The following PCNX1 variants were observed in gnomAD, a reference collection of about 807,000 sequenced individuals.
PCNX1 encodes pecanex-like protein 1.
A neutral mutation model predicts 242.2 loss-of-function variants in PCNX1; 78 were observed. The ratio of observed to expected loss-of-function variants is 0.32; its 90% CI spans 0.27 to 0.39. The LOEUF is 0.39. PCNX1 is among the 10% of genes least tolerant of loss of function. PCNX1 has a pLI of 1.00. For missense variants in PCNX1, 2,581 were observed against 2,856.5 expected (o/e 0.90, Z 2.20); for synonymous variants, 1,024 against 1,032.9 (o/e 0.99, Z 0.17).
chr14:70,923,816 C>G (rs1422243092), intron 1 of PCNX1, among the ~76,000 whole-genome samples: 1 of 152,114 alleles, frequency 6.6e-6, no homozygotes, highest in African/African-American at 2.4e-5. Context: ...TTTGCTAACA[C>G]AAAACATGCT....
At chr14:71,005,443 G>T (rs1275679539) in intron 8 of PCNX1, among the ~76,000 whole-genome samples, 1 of 150,962 alleles carries the variant, frequency 6.6e-6, no homozygotes. Context: ...AGGAGTTTGA[G>T]ATTGCAGTGA....
At chr14:70,969,226 G>T (rs1595087517) in intron 5 of PCNX1, 116 bp downstream of exon 5, 2 of 687,438 alleles carry the variant, frequency 2.9e-6, no homozygotes, top group East Asian at 2.6e-5. Flanking sequence ...GATATTTAAG[G>T]AAACATTAAC....
chr14:70,988,309 T>A (rs2140245529), intron 6 of PCNX1, among the ~76,000 whole-genome samples: 1 of 152,128 alleles, frequency 6.6e-6, no homozygotes, highest in East Asian at 1.9e-4. Context: ...AATAGGAAAT[T>A]GAGGTTGAAG....
At chr14:71,082,541 T>C (rs2061881337) in intron 28 of PCNX1, among the ~76,000 whole-genome samples, 1 of 152,094 alleles carries the variant, frequency 6.6e-6, no homozygotes, top group Non-Finnish European at 1.5e-5. Context: ...GGTGCTCCTG[T>C]ATTGGGTGTA....
chr14:71,032,426 A>G (rs2060413491), intron 16 of PCNX1, among the ~76,000 whole-genome samples: 1 of 152,168 alleles, frequency 6.6e-6, no homozygotes, highest in Non-Finnish European at 1.5e-5. Context: ...TCTCATCTAT[A>G]AATTGGGGGG....
chr14:70,945,212 A>C (rs1353683388), intron 1 of PCNX1, among the ~76,000 whole-genome samples: 2 of 152,190 alleles, frequency 1.3e-5, no homozygotes, highest in Non-Finnish European at 2.9e-5. Context: ...CAGTTTGGAG[A>C]TTCCAAGGAT....
chr14:71,063,139 T>C (rs1423293933), intron 26 of PCNX1, among the ~76,000 whole-genome samples: 1 of 152,190 alleles, frequency 6.6e-6, no homozygotes, highest in Non-Finnish European at 1.5e-5. Flanking sequence ...TGACTGTTTA[T>C]TGTTTAAAGT....
At chr14:71,041,780 CTACTA>C (rs71105759) in intron 19 of PCNX1, among the ~76,000 whole-genome samples, 9,791 of 149,214 alleles carry the variant, frequency 0.066, 308 homozygotes, top group Middle Eastern at 0.11. Flanking sequence ...GCATTTATTG[CTACTA>C]TACTATACTA....
At chr14:71,027,872 A>G (rs1427731997) in intron 15 of PCNX1, among the ~76,000 whole-genome samples, 1 of 151,914 alleles carries the variant, frequency 6.6e-6, no homozygotes, top group Non-Finnish European at 1.5e-5. Flanking sequence ...TACTGGTGTT[A>G]TATTACTGTA....
chr14:70,964,439 T>C (rs983807770), intron 3 of PCNX1, among the ~76,000 whole-genome samples: 3 of 152,222 alleles, frequency 2.0e-5, no homozygotes, highest in Non-Finnish European at 2.9e-5. Flanking sequence ...TTGATCCTGT[T>C]TTTTTGTTGG....
chr14:71,047,133 C>T (rs777075926), intron 21 of PCNX1, 28 bp downstream of exon 21: 147 of 1,354,320 alleles, frequency 1.1e-4, no homozygotes, highest in Non-Finnish European at 1.5e-4. Flanking sequence ...CTAATATTGT[C>T]TGACTACTGG....
At chr14:71,027,057 T>C (rs1489283425) in intron 15 of PCNX1, 175 bp downstream of exon 15, 2 of 460,020 alleles carry the variant, frequency 4.3e-6, no homozygotes, top group Non-Finnish European at 7.6e-6. Context: ...TAGGAAAAAA[T>C]AGTCAAGTCT....
chr14:71,054,190 G>A (rs148244802), intron 24 of PCNX1, among the ~76,000 whole-genome samples: 4 of 152,270 alleles, frequency 2.6e-5, no homozygotes, highest in African/African-American at 9.6e-5. Context: ...CTTGCAATAT[G>A]GAATCTAAAA....
At chr14:71,042,373 A>ACC (rs755661156) in intron 19 of PCNX1, among the ~76,000 whole-genome samples, 10 of 152,020 alleles carry the variant, frequency 6.6e-5, no homozygotes, top group Non-Finnish European at 2.9e-5. Context: ...GTATGTTTAT[A>ACC]ATTGTTATAC....
At chr14:71,004,233 G>T (rs1327958262) in intron 8 of PCNX1, among the ~76,000 whole-genome samples, 2 of 152,202 alleles carry the variant, frequency 1.3e-5, no homozygotes, top group Non-Finnish European at 2.9e-5. Context: ...CACAGGAAAA[G>T]TTTTCTGACC....
At chr14:70,975,662 G>A (rs1246569834) in intron 5 of PCNX1, among the ~76,000 whole-genome samples, 1 of 152,046 alleles carries the variant, frequency 6.6e-6, no homozygotes, top group Non-Finnish European at 1.5e-5. Flanking sequence ...TGAACTAACA[G>A]CAGGTTCAGA....
chr14:71,115,050 C>T lies in PCNX1; in HGVS notation c.*5115C>T, dbSNP rs1350920163. On this transcript the variant is annotated 3_prime_UTR_variant, in exon 36 of 36. Transcript: ENST00000304743. The stretch of plus-strand genomic sequence containing the variant: ...AAACCTATACAAGTCTGGCAATGAG[C>T]TCTGCATGAGGAAATGGAAGGAGGA... The T allele has an allele frequency of 4.0e-5, 6 of 150,710 alleles. No homozygotes were observed. The highest frequency in any genetic ancestry group is 9.8e-5 in the African/African-American group (4 of 40,852). The allele number at this position is 150,710 out of a possible 1,614,324, so 9.3% of individuals were successfully genotyped here. A position where few individuals can be genotyped will look rare whatever the true frequency, so the allele number is the denominator to read the frequency against.
At chr14:71,032,211 T>C (rs1354002682) in intron 16 of PCNX1, among the ~76,000 whole-genome samples, 1 of 152,236 alleles carries the variant, frequency 6.6e-6, no homozygotes, top group Non-Finnish European at 1.5e-5. Context: ...ATGTGTTTGC[T>C]TTATTATCAC....
At chr14:71,062,989 G>C (rs1031267748) in intron 26 of PCNX1, among the ~76,000 whole-genome samples, 2 of 152,136 alleles carry the variant, frequency 1.3e-5, no homozygotes, top group African/African-American at 4.8e-5. Context: ...TAACCTAGGA[G>C]CAATAGGCTA....
Sources: gnomAD v4.1 joint callset for allele counts (sites outside exome capture counted in the v4.1 genomes callset) on GRCh38, gnomAD v4.1.1 for gene constraint, MANE v1.5 for transcripts, NCBI Gene and HGNC (gene_info 2026-07-23, HGNC 2026-07-21) for gene names.